DMD: variants seen among roughly 807,000 people sequenced by gnomAD.
DMD encodes dystrophin.
A neutral mutation model predicts 330.1 loss-of-function variants in DMD; 63 were observed. The observed-to-expected ratio is 0.19, with a 90% confidence interval of 0.16 to 0.24. DMD has a LOEUF of 0.24. Among genes scored for constraint, DMD ranks in the 10% least tolerant of loss-of-function variants. The probability of loss-of-function intolerance (pLI) is 1.00; values close to 1 mark genes in which losing one functional copy is unlikely to be tolerated. For missense variants in DMD, 3,344 were observed against 2,684.1 expected (o/e 1.25, Z -5.43); for synonymous variants, 1,223 against 959.8 (o/e 1.27, Z -5.07).
chrX:31,372,205 G>A (rs147862415), intron 60 of DMD, among the ~76,000 whole-genome samples: 2,261 of 111,589 alleles, frequency 0.02, 53 homozygotes, highest in African/African-American at 0.069. Flanking sequence ...GGAGTTTTGC[G>A]AAATTAAACT....
At chrX:32,292,289 C>T (rs1367874481) in intron 42 of DMD, among the ~76,000 whole-genome samples, 2 of 72,742 alleles carry the variant, frequency 2.7e-5, no homozygotes, top group African/African-American at 1.1e-4. Context: ...CAAATATCAA[C>T]AAAGGGAATA....
intron 47 of DMD, among the ~76,000 whole-genome samples, chrX:31,910,574 T>C (rs1318411393): frequency 8.9e-6 from 1 of 112,042 alleles, no homozygotes. Context: ...ACAAACTAAA[T>C]GCCTGACACA....
At chrX:32,606,633 C>G (rs746471951) in intron 12 of DMD, among the ~76,000 whole-genome samples, 86 of 108,382 alleles carry the variant, frequency 7.9e-4, no homozygotes, top group African/African-American at 2.7e-3. Flanking sequence ...GCACTATTTA[C>G]AATAGCAAAG....
chrX:31,975,700 G>T (rs747457376), intron 44 of DMD, among the ~76,000 whole-genome samples: 1 of 111,921 alleles, frequency 8.9e-6, no homozygotes, highest in Non-Finnish European at 1.9e-5. Context: ...CGTGATATTC[G>T]AAAGGAAGCA....
At chrX:31,450,254 T>G (rs1389829078) in intron 59 of DMD, among the ~76,000 whole-genome samples, 3 of 111,875 alleles carry the variant, frequency 2.7e-5, no homozygotes, top group Admixed American at 9.5e-5. Context: ...CTCTTCCTCG[T>G]GGTTCAGGGA....
chrX:32,045,533 TAAA>T (rs1295585103), intron 44 of DMD, among the ~76,000 whole-genome samples: 2 of 110,034 alleles, frequency 1.8e-5, no homozygotes, highest in African/African-American at 6.6e-5. Flanking sequence ...AAGCTCTTTT[TAAA>T]AATACATTAC....
chrX:31,968,841 A>G (rs1460440110), intron 44 of DMD, among the ~76,000 whole-genome samples: 1 of 111,975 alleles, frequency 8.9e-6, no homozygotes, highest in Non-Finnish European at 1.9e-5. Flanking sequence ...TCTTGTCCCC[A>G]CAAGGATGTT....
intron 44 of DMD, among the ~76,000 whole-genome samples, chrX:32,188,961 C>G (rs903851835): frequency 1.8e-5 from 2 of 110,684 alleles, no homozygotes; most frequent in African/African-American, 6.5e-5. Flanking sequence ...TATTTTTATG[C>G]TTTTCACCTA....
At chrX:32,309,834 T>C (rs1002447577) in intron 42 of DMD, among the ~76,000 whole-genome samples, 7 of 111,338 alleles carry the variant, frequency 6.3e-5, no homozygotes, top group African/African-American at 2.3e-4. Flanking sequence ...CATGTAAAAA[T>C]GATCATTTTT....
Position 32,882,444 on chromosome X carries a change from C to T in DMD, c.94-32624G>A, listed in dbSNP as rs774164837. On this transcript the variant is annotated intron_variant, in intron 2 of 78. Transcript: ENST00000357033. ...ACCCTGGCTGACACATCATCCCAAA[C>T]CCAAAACTTGTCACTATCAAAATGG... Among the ~76,000 whole-genome samples the T allele has an allele frequency of 1.9e-4, 21 of 112,244 alleles. 1 individual carries two copies. The South Asian group carries it at 7.0e-3, about 37-fold the overall frequency.
intron 15 of DMD, among the ~76,000 whole-genome samples, chrX:32,567,304 G>T (rs1435526562): frequency 1.8e-5 from 2 of 112,440 alleles, no homozygotes; most frequent in African/African-American, 6.5e-5. Flanking sequence ...AAGTTTGAAA[G>T]AATGCAATAG....
intron 60 of DMD, among the ~76,000 whole-genome samples, chrX:31,387,670 G>T (rs924275151): frequency 3.6e-5 from 4 of 111,839 alleles, no homozygotes; most frequent in African/African-American, 1.3e-4. Context: ...AAAGTGCTGG[G>T]ATTACAGGTG....
intron 7 of DMD, among the ~76,000 whole-genome samples, chrX:32,757,265 T>C (rs1342174057): frequency 9.0e-6 from 1 of 111,391 alleles, no homozygotes; most frequent in Admixed American, 9.6e-5. Flanking sequence ...AACAGTTCTC[T>C]TGAATTTCCC....
intron 1 of DMD, among the ~76,000 whole-genome samples, chrX:33,309,944 A>G (rs978173648): frequency 7.2e-5 from 8 of 111,190 alleles, no homozygotes; most frequent in Non-Finnish European, 1.5e-4. Flanking sequence ...TTAGTCATTC[A>G]TTAGCTATCA....
chrX:32,781,412 G>A (rs985255133), intron 7 of DMD, among the ~76,000 whole-genome samples: 11 of 111,765 alleles, frequency 9.8e-5, no homozygotes, highest in Non-Finnish European at 1.9e-4. Flanking sequence ...TGTTAATATT[G>A]TACTAAACAG....
chrX:31,649,035 A>G (rs1329550833), intron 54 of DMD, among the ~76,000 whole-genome samples: 1 of 111,868 alleles, frequency 8.9e-6, no homozygotes, highest in African/African-American at 3.2e-5. Flanking sequence ...AAATATAAAT[A>G]TAATTGAAAA....
At chrX:32,385,059 A>G (rs1311718929) in intron 33 of DMD, among the ~76,000 whole-genome samples, 1 of 111,143 alleles carries the variant, frequency 9.0e-6, no homozygotes, top group African/African-American at 3.3e-5. Context: ...AAAGAATCCC[A>G]AATTTCATTT....
At chrX:32,405,582 T>G (rs1244725868) in intron 30 of DMD, among the ~76,000 whole-genome samples, 1 of 111,369 alleles carries the variant, frequency 9.0e-6, no homozygotes, top group Non-Finnish European at 1.9e-5. Context: ...TGACACTGGG[T>G]AGATTGATGC....
intron 34 of DMD, among the ~76,000 whole-genome samples, chrX:32,369,652 G>A (rs1017841365): frequency 8.1e-5 from 9 of 111,007 alleles, no homozygotes; most frequent in Non-Finnish European, 1.5e-4. Context: ...CACCCATTTC[G>A]TATTTTCACA....
Sources: allele counts gnomAD v4.1 joint callset (sites outside exome capture counted in the v4.1 genomes callset), GRCh38; gene constraint gnomAD v4.1.1; transcripts MANE v1.5; gene names NCBI Gene and HGNC (gene_info 2026-07-23, HGNC 2026-07-21).